The following GSG1L variants were observed in gnomAD, a reference collection of about 807,000 sequenced individuals.
GSG1L encodes GSG1 like, also known as germ cell-specific gene 1-like protein.
In GSG1L, 24 loss-of-function variants were observed where a neutral mutation model predicts 42.1. The observed-to-expected ratio is 0.57, with a 90% confidence interval of 0.41 to 0.80. The LOEUF is 0.80. Among genes scored for constraint, GSG1L ranks in the 30% least tolerant of loss-of-function variants. The pLI is 0.00. For synonymous variants in GSG1L, 215 were observed against 203.5 expected (o/e 1.06, Z -0.48); for missense variants, 445 against 472.2 (o/e 0.94, Z 0.53).
At chr16:27,968,216 T>C (rs1393190314) in intron 1 of GSG1L, among the ~76,000 whole-genome samples, 3 of 152,150 alleles carry the variant, frequency 2.0e-5, no homozygotes, top group Admixed American at 2.0e-4. Context: ...CTTCTTCTGA[T>C]TTTAAAATAA....
intron 1 of GSG1L, among the ~76,000 whole-genome samples, chr16:27,995,836 A>G (rs1484302102): frequency 1.3e-5 from 2 of 151,668 alleles, no homozygotes; most frequent in Non-Finnish European, 2.9e-5. Flanking sequence ...ACCCAGGGCC[A>G]TTGAAGAAGG....
chr16:27,888,501 T>C (rs1271036521), intron 2 of GSG1L, among the ~76,000 whole-genome samples: 2,723 of 12,590 alleles, frequency 0.22, 431 homozygotes, highest in Admixed American at 0.4. Context: ...CTTTCTTTCT[T>C]TCTTTCTTTC....
chr16:27,884,435 C>A lies in GSG1L; in HGVS notation c.550+51G>T, dbSNP rs1331235465. Reference sequence around the variant, plus strand: ...CAACCAGGGCTTACTCCAAGGGCAGCACCCTTTCTCGCCTGTGCTCTGAGA... The same window carrying A: ...CAACCAGGGCTTACTCCAAGGGCAGAACCCTTTCTCGCCTGTGCTCTGAGA... On this transcript the variant is annotated intron_variant, in intron 3 of 6. Transcript: ENST00000447459. The surrounding 1 kb of genome is among the most constrained non-coding windows in gnomAD (Gnocchi z 4.4). The A allele has an allele frequency of 1.9e-6, 3 of 1,555,268 alleles. No individual in the cohort carries two copies. The highest frequency in any genetic ancestry group is 1.4e-5 in the African/African-American group (1 of 73,888).
intron 2 of GSG1L, among the ~76,000 whole-genome samples, chr16:27,907,071 T>G (rs2084328498): frequency 6.6e-6 from 1 of 152,170 alleles, no homozygotes; most frequent in Non-Finnish European, 1.5e-5. Context: ...TGTGATTGGT[T>G]AAGGGATGGG....
intron 2 of GSG1L, among the ~76,000 whole-genome samples, chr16:27,906,780 A>C (rs1348280189): frequency 1.3e-5 from 2 of 152,168 alleles, no homozygotes; most frequent in East Asian, 3.9e-4. Flanking sequence ...TTTTGAAATG[A>C]TCATACCTTT....
At chr16:28,012,206 C>T (rs888343076) in intron 1 of GSG1L, among the ~76,000 whole-genome samples, 1 of 152,176 alleles carries the variant, frequency 6.6e-6, no homozygotes, top group Non-Finnish European at 1.5e-5. Flanking sequence ...GCCACCCCTC[C>T]CCTAGGCTGA....
At chr16:27,898,364 C>T (rs2084216194) in intron 2 of GSG1L, among the ~76,000 whole-genome samples, 1 of 149,276 alleles carries the variant, frequency 6.7e-6, no homozygotes, top group African/African-American at 2.5e-5. Context: ...CCACCCCCTG[C>T]GAGGTCTTCT....
chr16:28,041,946 T>C (rs2086111233), intron 1 of GSG1L, among the ~76,000 whole-genome samples: 2 of 152,202 alleles, frequency 1.3e-5, no homozygotes, highest in Admixed American at 6.5e-5. Context: ...ACTCAACATC[T>C]TGAGCTGCAA....
chr16:27,866,863 A>T (rs2083733095), intron 3 of GSG1L, among the ~76,000 whole-genome samples: 2 of 152,126 alleles, frequency 1.3e-5, no homozygotes, highest in Admixed American at 1.3e-4. Flanking sequence ...TGAGCCACCG[A>T]AACCGGCCCT....
intron 5 of GSG1L, among the ~76,000 whole-genome samples, chr16:27,810,173 C>T (rs956262971): frequency 6.6e-6 from 1 of 152,162 alleles, no homozygotes; most frequent in Non-Finnish European, 1.5e-5. Flanking sequence ...CAAGCTTGCA[C>T]CCTAGTTAGA....
chr16:28,003,140 A>C (rs74325726), intron 1 of GSG1L, among the ~76,000 whole-genome samples: 5,807 of 152,268 alleles, frequency 0.038, 147 homozygotes, highest in Non-Finnish European at 0.061. Context: ...GGGCAGCCTT[A>C]AGGAGAAATG....
At chr16:27,985,861 T>C (rs955143261) in intron 1 of GSG1L, among the ~76,000 whole-genome samples, 7 of 152,050 alleles carry the variant, frequency 4.6e-5, no homozygotes, top group Admixed American at 2.0e-4. Context: ...GTCTCAGTTA[T>C]TTCATTATAA....
chr16:28,049,954 G>A (rs189468797), intron 1 of GSG1L, among the ~76,000 whole-genome samples: 16 of 152,186 alleles, frequency 1.1e-4, no homozygotes, highest in Admixed American at 2.0e-4. Context: ...ATTTATCTAC[G>A]GTTTAACTTA....
chr16:28,047,132 C>T (rs906737821), intron 1 of GSG1L, among the ~76,000 whole-genome samples: 10 of 152,004 alleles, frequency 6.6e-5, no homozygotes, highest in African/African-American at 1.9e-4. Flanking sequence ...GGAAAGTTTA[C>T]GAAAGGGACT....
intron 5 of GSG1L, among the ~76,000 whole-genome samples, chr16:27,818,369 C>T (rs372383887): frequency 1.5e-4 from 23 of 152,190 alleles, no homozygotes; most frequent in African/African-American, 4.3e-4. Flanking sequence ...TTCACCTCCC[C>T]GTGTATGGGT....
intron 2 of GSG1L, among the ~76,000 whole-genome samples, chr16:27,916,363 T>C (rs573397069): frequency 1.3e-5 from 2 of 152,258 alleles, no homozygotes; most frequent in African/African-American, 4.8e-5. Context: ...TTGCCCAGGC[T>C]GGAGTACAGT....
At chr16:27,829,369 A>C (rs2083251170) in intron 4 of GSG1L, among the ~76,000 whole-genome samples, 1 of 152,182 alleles carries the variant, frequency 6.6e-6, no homozygotes, top group Non-Finnish European at 1.5e-5. Context: ...GGAATGTTCT[A>C]CAAACTGTGG....
chr16:27,832,743 T>C (rs576210321), intron 4 of GSG1L, among the ~76,000 whole-genome samples: 74 of 152,262 alleles, frequency 4.9e-4, no homozygotes, highest in Non-Finnish European at 7.9e-4. Flanking sequence ...ATTTGTTTAT[T>C]TGCTATCTGT....
intron 3 of GSG1L, among the ~76,000 whole-genome samples, chr16:27,860,200 G>A (rs1014266229): frequency 1.1e-4 from 16 of 152,220 alleles, no homozygotes; most frequent in Admixed American, 5.9e-4. Context: ...CCTGGGCTGC[G>A]GTTACCCCAG....
Sources: gnomAD v4.1 joint callset for allele counts (sites outside exome capture counted in the v4.1 genomes callset) on GRCh38, gnomAD v4.1.1 for gene constraint, Gnocchi (gnomAD v3.1) non-coding constraint, MANE v1.5 for transcripts, NCBI Gene and HGNC (gene_info 2026-07-23, HGNC 2026-07-21) for gene names.